NIPSNAP2: variants seen among roughly 807,000 people sequenced by gnomAD.
NIPSNAP2 encodes protein NipSnap homolog 2.
Under a neutral mutation model 48.4 loss-of-function variants are expected in NIPSNAP2, and 42 were observed. The observed-to-expected ratio is 0.87, with a 90% CI of 0.68 to 1.12. NIPSNAP2 has a LOEUF of 1.12. Ranked by LOEUF, NIPSNAP2 falls within the 50% of genes most tolerant of loss-of-function variation. The pLI is 0.00. For synonymous variants in NIPSNAP2, 158 were observed against 126.6 expected, an observed-to-expected ratio of 1.25 and a Z score of -1.67; for missense variants, 314 against 347.3, an observed-to-expected ratio of 0.90 and a Z score of 0.76.
intron 1 of NIPSNAP2, among the ~76,000 whole-genome samples, chr7:55,967,132 G>A (rs1247873769): frequency 1.3e-5 from 2 of 152,238 alleles, no homozygotes; most frequent in Non-Finnish European, 2.9e-5. Context: ...GCCGCTTCCT[G>A]GACATTGCAT....
In NIPSNAP2 at chr7:55,969,839, C is replaced by T. The variant is rs191912556; in HGVS notation, c.92+5138C>T. Among the ~76,000 whole-genome samples the T allele has an allele frequency of 9.3e-3, 1,420 of 151,948 alleles. 10 individuals are homozygous for T. The highest frequency in any genetic ancestry group is 0.031 in the Middle Eastern group (9 of 294). On this transcript the variant is annotated intron_variant, in intron 1 of 9. Coordinates refer to ENST00000322090, the MANE Select transcript of NIPSNAP2 (RefSeq NM_001483.3). ...TCTACTAAAAATACAAAAAATTAGC[C>T]GGGCGTGGTGGTGGGCGCCTGTAGT...
At chr7:55,965,851 G>T (rs556147435) in intron 1 of NIPSNAP2, among the ~76,000 whole-genome samples, 31 of 152,140 alleles carry the variant, frequency 2.0e-4, no homozygotes, top group African/African-American at 7.2e-5. Context: ...AAAGTGCAGG[G>T]ATTACAGTCG....
intron 7 of NIPSNAP2, chr7:55,991,955 T>C (rs1462556965): frequency 5.7e-6 from 1 of 175,406 alleles, no homozygotes; most frequent in African/African-American, 2.4e-5. Context: ...ATCTGGAATA[T>C]TTATCACTAT....
At chr7:55,974,741 A>G (rs986638183) in intron 1 of NIPSNAP2, among the ~76,000 whole-genome samples, 1 of 151,238 alleles carries the variant, frequency 6.6e-6, no homozygotes. Context: ...TCAGCTACTC[A>G]GGAGGGTGAG....
At chr7:55,998,916 CTG>C in intron 9 of NIPSNAP2, 90 bp from the exon 10 acceptor site, 2 of 1,050,200 alleles carry the variant, frequency 1.9e-6, no homozygotes, top group African/African-American at 1.6e-5. Flanking sequence ...AGCAGCACAT[CTG>C]TGAACATTCT....
chr7:55,974,847 TAA>T (rs11391060), intron 1 of NIPSNAP2, among the ~76,000 whole-genome samples: 13 of 112,232 alleles, frequency 1.2e-4, no homozygotes, highest in Admixed American at 2.0e-4. Flanking sequence ...GACTCTGTCT[TAA>T]AAAAAAAAAA....
At chr7:55,969,679 T>A (rs1483212084) in intron 1 of NIPSNAP2, among the ~76,000 whole-genome samples, 2 of 152,114 alleles carry the variant, frequency 1.3e-5, no homozygotes, top group African/African-American at 4.8e-5. Context: ...TAGTGCACAG[T>A]CTGTAAATAA....
intron 8 of NIPSNAP2, 102 bp from the exon 9 acceptor site, chr7:55,997,264 G>A (rs543233913): frequency 1.2e-6 from 1 of 836,292 alleles, no homozygotes; most frequent in African/African-American, 1.7e-5. Flanking sequence ...AGTAGTCCCT[G>A]AGAAAACTAG....
intron 1 of NIPSNAP2, among the ~76,000 whole-genome samples, chr7:55,974,248 A>AT (rs757754976): frequency 1.8e-5 from 2 of 108,290 alleles, no homozygotes; most frequent in Admixed American, 1.0e-4. Context: ...CAGCAAACTG[A>AT]TTTTTTAAGC....
chr7:55,979,844 A>G (rs995250775), intron 3 of NIPSNAP2: 24 of 456,594 alleles, frequency 5.3e-5, no homozygotes, highest in African/African-American at 4.4e-4. Context: ...CAACCCATCC[A>G]GTTCTGGGTA....
chr7:55,969,716 G>C (rs1267300629), intron 1 of NIPSNAP2, among the ~76,000 whole-genome samples: 1 of 152,140 alleles, frequency 6.6e-6, no homozygotes, highest in African/African-American at 2.4e-5. Context: ...GGGCGCGGTG[G>C]CTCACGCCTG....
intron 1 of NIPSNAP2, among the ~76,000 whole-genome samples, chr7:55,972,528 G>T (rs1157910586): frequency 6.6e-6 from 1 of 151,236 alleles, no homozygotes; most frequent in African/African-American, 2.4e-5. Flanking sequence ...CACCTCCCGG[G>T]TTCAAGCGAT....
intron 1 of NIPSNAP2, among the ~76,000 whole-genome samples, chr7:55,972,321 G>A (rs1349810558): frequency 6.9e-6 from 1 of 144,952 alleles, no homozygotes; most frequent in Non-Finnish European, 1.5e-5. Flanking sequence ...AAAAAAAAAA[G>A]AACATACAGA....
At chr7:55,965,678 T>C (rs1199910809) in intron 1 of NIPSNAP2, among the ~76,000 whole-genome samples, 2 of 152,098 alleles carry the variant, frequency 1.3e-5, no homozygotes, top group East Asian at 3.9e-4. Flanking sequence ...CCTCCCGGGT[T>C]CAAGTAATTC....
intron 1 of NIPSNAP2, among the ~76,000 whole-genome samples, chr7:55,970,498 G>A (rs960807499): frequency 2.0e-5 from 3 of 151,986 alleles, no homozygotes; most frequent in African/African-American, 7.2e-5. Context: ...TTTTAGTAGA[G>A]ACAGGGTTTG....
intron 1 of NIPSNAP2, 76 bp downstream of exon 1, chr7:55,964,777 C>T: frequency 1.4e-6 from 1 of 734,474 alleles, no homozygotes; most frequent in Middle Eastern, 5.7e-4. Context: ...TTCCCGGCGC[C>T]GGTCTCCGCC....
chr7:55,983,699 T>C (rs1787267137), intron 5 of NIPSNAP2, 29 bp from the exon 6 acceptor site: 1 of 1,612,042 alleles, frequency 6.2e-7, no homozygotes, highest in Non-Finnish European at 8.5e-7. Context: ...TATCAGAAGA[T>C]TTCATGAGCA....
chr7:55,999,876 T>C lies in NIPSNAP2; in HGVS notation c.*804T>C, dbSNP rs1221537703. ...GACCTCAGACACTCTCTGGCTAATA[T>C]TTTAATAAGCTCACAGCAGATAATT... On this transcript the variant is annotated 3_prime_UTR_variant, in exon 10 of 10. Coordinates refer to ENST00000322090, the MANE Select transcript of NIPSNAP2 (RefSeq NM_001483.3). 1.3e-5 allele frequency: 2 copies of C among 152,640 alleles called. No individual in the cohort carries two copies. The highest frequency in any genetic ancestry group is 2.9e-5 in the Non-Finnish European group (2 of 68,042). The allele number at this position is 152,640 out of a possible 1,614,324, so 9.5% of individuals were successfully genotyped here. A position where few individuals can be genotyped will look rare whatever the true frequency, so the allele number is the denominator to read the frequency against.
chr7:55,967,855 G>T (rs1245369999), intron 1 of NIPSNAP2, among the ~76,000 whole-genome samples: 1 of 151,876 alleles, frequency 6.6e-6, no homozygotes, highest in African/African-American at 2.4e-5. Context: ...TCTCCATGTT[G>T]CCCAGGCTGG....
Sources: gnomAD v4.1 joint callset for allele counts (sites outside exome capture counted in the v4.1 genomes callset) on GRCh38, gnomAD v4.1.1 for gene constraint, MANE v1.5 for transcripts, NCBI Gene and HGNC (gene_info 2026-07-23, HGNC 2026-07-21) for gene names.